NEURL1B: variants seen among roughly 807,000 people sequenced by gnomAD.
NEURL1B encodes the protein E3 ubiquitin-protein ligase NEURL1B.
Under a neutral mutation model 37.4 loss-of-function variants are expected in NEURL1B, and 13 were observed. The observed-to-expected ratio is 0.35, with a 90% CI of 0.23 to 0.55. The LOEUF (loss-of-function observed/expected upper bound fraction) is 0.55. Among genes scored for constraint, NEURL1B ranks in the 20% least tolerant of loss-of-function variants. The pLI is 0.89. For synonymous variants in NEURL1B, 432 were observed against 426.6 expected (o/e 1.01, Z -0.16); for missense variants, 790 against 879.2 (o/e 0.90, Z 1.28).
rs1379716173 is a variant in NEURL1B, at chr5:172,690,850, A to G, written c.*3925A>G. On this transcript the variant is annotated 3_prime_UTR_variant, in exon 5 of 5. Coordinates refer to ENST00000369800, the MANE Select transcript of NEURL1B (RefSeq NM_001142651.3). ...CACCCTCAGGTCCTGCCAGGGAGACACAGTGAGGAGGTTGGCTAATTGCTG... is the reference window on the plus strand; with the variant it reads ...CACCCTCAGGTCCTGCCAGGGAGACGCAGTGAGGAGGTTGGCTAATTGCTG... 2 of 152,286 alleles carry G rather than the reference A, an allele frequency of 1.3e-5. No homozygotes were observed. Among genetic ancestry groups the G allele is most frequent in the Non-Finnish European group, 2.9e-5 (2 of 68,080 alleles). The allele number at this position is 152,286 out of a possible 1,614,324, so 9.4% of individuals were successfully genotyped here. A position where few individuals can be genotyped will look rare whatever the true frequency, so the allele number is the denominator to read the frequency against.
rs1395918721 is a variant in NEURL1B at position 172,689,532 on chromosome 5, T to TG, written c.*2608dup. On this transcript the variant is annotated 3_prime_UTR_variant, in exon 5 of 5. Coordinates refer to ENST00000369800, the MANE Select transcript of NEURL1B (RefSeq NM_001142651.3). ...CCTTCCAATCAGAGATGTTCACGTG[T>TG]GAAAAAAAAACTGTGCTACTTACAA... 4.6e-5 allele frequency: 7 copies of TG among 151,632 alleles called. No homozygotes were observed. The highest frequency in any genetic ancestry group is 1.7e-4 in the African/African-American group (7 of 41,274). 9.4% of individuals were successfully genotyped at this position (151,632 alleles called of 1,614,324 possible).
At chr5:172,667,399 T>C (rs1758037048) in intron 1 of NEURL1B, among the ~76,000 whole-genome samples, 1 of 149,754 alleles carries the variant, frequency 6.7e-6, no homozygotes, top group Non-Finnish European at 1.5e-5. Context: ...TGAGCTGAGA[T>C]CATGCCATTG....
intron 1 of NEURL1B, among the ~76,000 whole-genome samples, chr5:172,669,345 C>A (rs1758074744): frequency 6.6e-6 from 1 of 152,280 alleles, no homozygotes; most frequent in South Asian, 2.1e-4. Flanking sequence ...AGAAAAGCAG[C>A]CAAATATCTC....
rs866738638 is a variant in NEURL1B, at chr5:172,641,458, C to T, written c.31+21C>T. 32 of 1,312,902 alleles carry T rather than the reference C, an allele frequency of 2.4e-5. No homozygotes were observed. The South Asian group carries it at 5.8e-4, about 24-fold the overall frequency. The allele number at this position is 1,312,902 out of a possible 1,614,324, so 81.3% of individuals were successfully genotyped here. On this transcript the variant is annotated intron_variant, in intron 1 of 4. Transcript: ENST00000369800. The surrounding 1 kb of genome is among the most constrained non-coding windows in gnomAD (Gnocchi z 6.4). Reference sequence around the variant, plus strand: ...GCCAGGTACGCCGGGGAGCCCTGCCCGGGAGGCGGGCGCCGGGCTTCTCTC... The same window carrying T: ...GCCAGGTACGCCGGGGAGCCCTGCCTGGGAGGCGGGCGCCGGGCTTCTCTC...
chr5:172,674,088 C>T (rs573429095), intron 2 of NEURL1B, among the ~76,000 whole-genome samples: 3 of 151,574 alleles, frequency 2.0e-5, no homozygotes, highest in Non-Finnish European at 4.4e-5. Context: ...TGCAGTGAGC[C>T]GAGATGGCAC....
In NEURL1B at chr5:172,641,365, C is replaced by T; in HGVS notation, c.-42C>T. On this transcript the variant is annotated 5_prime_UTR_variant, in exon 1 of 5. Transcript: ENST00000369800. This position sits in a 1 kb window ranked among gnomAD's most constrained non-coding sequence, Gnocchi z 6.4. ...GCCCGCCGCGTAATTAGCCTCCGCGCGCCCAGAGCGCGCCGCCGCCAACGC... is the reference window on the plus strand; with the variant it reads ...GCCCGCCGCGTAATTAGCCTCCGCGTGCCCAGAGCGCGCCGCCGCCAACGC... The T allele has an allele frequency of 7.2e-7, 1 of 1,382,244 alleles. No homozygotes were observed. The highest frequency in any genetic ancestry group is 9.4e-7 in the Non-Finnish European group (1 of 1,068,040). The allele number at this position is 1,382,244 out of a possible 1,614,324, so 85.6% of individuals were successfully genotyped here. A position where few individuals can be genotyped will look rare whatever the true frequency, so the allele number is the denominator to read the frequency against.
At position 172,670,119 on chromosome 5, in the gene NEURL1B, G is replaced by A; in HGVS notation, c.366G>A (p.Leu122=). The A allele has an allele frequency of 1.3e-6, 2 of 1,519,962 alleles. No individual in the cohort carries two copies. Among genetic ancestry groups the A allele is most frequent in the Non-Finnish European group, 8.8e-7 (1 of 1,139,840 alleles). 94.2% of individuals were successfully genotyped at this position (1,519,962 alleles called of 1,614,324 possible). ...QDIPKYACPD[L]VTRPGYWAKA... is the part of the protein sequence containing the mutation. ...TCCCCAAGTACGCCTGCCCGGACCT[G>A]GTCACGCGGCCGGGCTACTGGGCCA... Residue 122 remains leucine (L), a synonymous_variant, in exon 2 of 5, where the codon CTG becomes CTA. Coordinates refer to ENST00000369800, the MANE Select transcript of NEURL1B (RefSeq NM_001142651.3).
rs1041689391 is a variant in NEURL1B, at chr5:172,656,507, A to G, written c.32-13278A>G. The G allele has an allele frequency of 2.1e-4, 330 of 1,604,960 alleles. 1 individual carries two copies. The highest frequency in any genetic ancestry group is 3.8e-4 in the Admixed American group (23 of 59,748). On this transcript the variant is annotated intron_variant, in intron 1 of 4. Coordinates refer to ENST00000369800, the MANE Select transcript of NEURL1B (RefSeq NM_001142651.3). ...ATAAAGGGTCACCATCTCCTCAGGC[A>G]CAAGGAACAGCTTACTTTTTGCCAG...
chr5:172,676,531 GC>G lies in NEURL1B; in HGVS notation c.577+6207del, dbSNP rs1406168428. Among the ~76,000 whole-genome samples, 2 of 152,172 alleles carry G rather than the reference GC, an allele frequency of 1.3e-5. No homozygotes were observed. The highest frequency in any genetic ancestry group is 2.1e-4 in the South Asian group (1 of 4,834). On this transcript the variant is annotated intron_variant, in intron 2 of 4. Transcript: ENST00000369800. The surrounding 1 kb of genome is among the most constrained non-coding windows in gnomAD (Gnocchi z 4.5). ...GGATGAAGTGATTGGCCAGGTTAAG[GC>G]CCCCCTCCTGACTCCTGAGGCAATG...
intron 1 of NEURL1B, among the ~76,000 whole-genome samples, chr5:172,652,581 A>C (rs761694345): frequency 1.3e-5 from 2 of 152,216 alleles, no homozygotes; most frequent in Non-Finnish European, 2.9e-5. Flanking sequence ...TGGACCAACT[A>C]CGGCATAAAA....
intron 2 of NEURL1B, among the ~76,000 whole-genome samples, chr5:172,674,870 A>G (rs1356933231): frequency 6.6e-6 from 1 of 152,154 alleles, no homozygotes; most frequent in Non-Finnish European, 1.5e-5. Flanking sequence ...ACTCTGATTC[A>G]TAATCCCATG....
intron 1 of NEURL1B, among the ~76,000 whole-genome samples, chr5:172,648,668 G>A (rs531030915): frequency 6.6e-6 from 1 of 152,378 alleles, no homozygotes; most frequent in South Asian, 2.1e-4. Flanking sequence ...TTTCCCATTT[G>A]CACTGGAAGC....
At chr5:172,671,226 T>C (rs1758124870) in intron 2 of NEURL1B, among the ~76,000 whole-genome samples, 1 of 152,122 alleles carries the variant, frequency 6.6e-6, no homozygotes, top group Non-Finnish European at 1.5e-5. Flanking sequence ...CAACCACTCA[T>C]CTGCTTTCTG....
At chr5:172,643,556 C>T (rs1201413036) in intron 1 of NEURL1B, among the ~76,000 whole-genome samples, 1 of 152,190 alleles carries the variant, frequency 6.6e-6, no homozygotes, top group Non-Finnish European at 1.5e-5. Flanking sequence ...TTGTCACTGC[C>T]TGTCTCTGTG....
intron 2 of NEURL1B, among the ~76,000 whole-genome samples, chr5:172,680,464 G>A (rs767476594): frequency 2.0e-5 from 3 of 152,204 alleles, no homozygotes; most frequent in Admixed American, 6.5e-5. Context: ...CTTTAGGGGC[G>A]GGCGACTGTG....
chr5:172,659,528 T>G (rs200464683), intron 1 of NEURL1B, among the ~76,000 whole-genome samples: 1 of 152,166 alleles, frequency 6.6e-6, no homozygotes, highest in East Asian at 1.9e-4. Flanking sequence ...CTGGACTGTT[T>G]TCTTACTCCT....
intron 1 of NEURL1B, among the ~76,000 whole-genome samples, chr5:172,651,321 C>T (rs1433200828): frequency 6.6e-6 from 1 of 152,168 alleles, no homozygotes; most frequent in Non-Finnish European, 1.5e-5. Flanking sequence ...CATCAACTTA[C>T]AGATACATGG....
In NEURL1B at chr5:172,687,883, C is replaced by G. The variant is rs779271227; in HGVS notation, c.*958C>G. 1 of 152,204 alleles carries G rather than the reference C, an allele frequency of 6.6e-6. No individual in the cohort carries two copies. Among genetic ancestry groups the G allele is most frequent in the Non-Finnish European group, 1.5e-5 (1 of 68,034 alleles). 9.4% of individuals were successfully genotyped at this position (152,204 alleles called of 1,614,324 possible). On this transcript the variant is annotated 3_prime_UTR_variant, in exon 5 of 5. Transcript: ENST00000369800. ...AGCTCTCTACCTTCCTGTGGTGGCC[C>G]CTGGGCCTGGCATTCCCAGGGGACC...
At chr5:172,658,481 G>A (rs979552337) in intron 1 of NEURL1B, among the ~76,000 whole-genome samples, 3 of 152,198 alleles carry the variant, frequency 2.0e-5, no homozygotes, top group African/African-American at 2.4e-5. Context: ...AGAGAAGGAC[G>A]AGACACGCAT....
Sources: allele counts gnomAD v4.1 joint callset (sites outside exome capture counted in the v4.1 genomes callset), GRCh38; gene constraint gnomAD v4.1.1; non-coding constraint Gnocchi (gnomAD v3.1); transcripts MANE v1.5; gene names NCBI Gene and HGNC (gene_info 2026-07-23, HGNC 2026-07-21).